The following RELN variants were observed in gnomAD, a reference collection of about 807,000 sequenced individuals.
The protein encoded by RELN is reelin.
A neutral mutation model predicts 427.6 loss-of-function variants in RELN; 108 were observed. That is an observed-to-expected ratio of 0.25 (90% CI 0.22 to 0.30). The LOEUF is 0.30. Among genes scored for constraint, RELN ranks in the 10% least tolerant of loss-of-function variants. RELN has a pLI of 1.00. For synonymous variants in RELN, 1,524 were observed against 1,513.4 expected (o/e 1.01, Z -0.16); for missense variants, 3,715 against 4,302.8 (o/e 0.86, Z 3.82).
At chr7:103,574,661 C>T (rs1830958411) in intron 29 of RELN, among the ~76,000 whole-genome samples, 1 of 152,078 alleles carries the variant, frequency 6.6e-6, no homozygotes. Flanking sequence ...TAGGGGCAGT[C>T]AGTCTCAAAT....
intron 11 of RELN, among the ~76,000 whole-genome samples, chr7:103,675,824 T>G (rs1833506880): frequency 6.6e-6 from 1 of 152,332 alleles, no homozygotes; most frequent in South Asian, 2.1e-4. Flanking sequence ...CTGGGAAAAC[T>G]GGCTAGCCAT....
rs1830833531 is a variant in RELN, at chr7:103,569,487, C to G, written c.4588+2697G>C. Among the ~76,000 whole-genome samples the G allele has an allele frequency of 6.6e-6, 1 of 152,226 alleles. No individual in the cohort carries two copies. The highest frequency in any genetic ancestry group is 1.5e-5 in the Non-Finnish European group (1 of 68,036). ...AGTTGTGGAATAATTTGTTATGTAG[C>G]ATACCACTCCAATCCTACTAAATCT... On this transcript the variant is annotated intron_variant, in intron 31 of 64. Coordinates refer to ENST00000428762, the MANE Select transcript of RELN (RefSeq NM_005045.4). The surrounding 1 kb of genome is among the most constrained non-coding windows in gnomAD (Gnocchi z 4.0).
intron 3 of RELN, among the ~76,000 whole-genome samples, chr7:103,798,205 T>C (rs916296507): frequency 1.2e-4 from 18 of 152,174 alleles, no homozygotes; most frequent in Non-Finnish European, 4.4e-5. Context: ...CCAGCTACAG[T>C]CTTCTTCTGA....
intron 2 of RELN, among the ~76,000 whole-genome samples, chr7:103,872,242 T>C (rs1245903542): frequency 1.9e-5 from 2 of 107,620 alleles, no homozygotes; most frequent in Non-Finnish European, 3.7e-5. Flanking sequence ...GTCCCCAGAG[T>C]GTGATATTCC....
chr7:103,672,632 T>A (rs1015836775), intron 11 of RELN, among the ~76,000 whole-genome samples: 1 of 152,146 alleles, frequency 6.6e-6, no homozygotes, highest in Non-Finnish European at 1.5e-5. Flanking sequence ...GCATATCCAA[T>A]TCTTTTAATT....
At chr7:103,652,974 T>TG (rs772866589) in intron 13 of RELN, among the ~76,000 whole-genome samples, 1 of 151,948 alleles carries the variant, frequency 6.6e-6, no homozygotes, top group Non-Finnish European at 1.5e-5. Flanking sequence ...GTGCACGAGG[T>TG]GGGGGTCTCT....
intron 1 of RELN, among the ~76,000 whole-genome samples, chr7:103,970,098 T>C (rs1188537244): frequency 6.6e-6 from 1 of 152,128 alleles, no homozygotes; most frequent in Non-Finnish European, 1.5e-5. Context: ...TGCCTTCTTC[T>C]TTCAGATCTC....
intron 28 of RELN, among the ~76,000 whole-genome samples, chr7:103,585,658 C>T (rs986370246): frequency 3.3e-5 from 5 of 152,052 alleles, no homozygotes; most frequent in African/African-American, 9.7e-5. Flanking sequence ...ACCAATCTTA[C>T]TAAAGAGATT....
chr7:103,506,257 G>A (rs536412675), intron 51 of RELN, among the ~76,000 whole-genome samples: 4 of 151,968 alleles, frequency 2.6e-5, no homozygotes, highest in South Asian at 4.2e-4. Flanking sequence ...ATACATAATC[G>A]TCAGATTCAC....
At chr7:103,741,648 G>C (rs1023596571) in intron 6 of RELN, among the ~76,000 whole-genome samples, 3 of 111,848 alleles carry the variant, frequency 2.7e-5, no homozygotes, top group African/African-American at 1.1e-4. Flanking sequence ...GAGAGGAAGA[G>C]ATGAAAGCAA....
chr7:103,489,275 T>C (rs1342533729), intron 60 of RELN, among the ~76,000 whole-genome samples: 2 of 151,116 alleles, frequency 1.3e-5, no homozygotes, highest in East Asian at 3.9e-4. Context: ...AGTTTTCAGC[T>C]ACATCTTAGG....
At position 103,550,981 on chromosome 7, in the gene RELN, C is replaced by T. The variant is rs362721; in HGVS notation, c.6302+86G>A. ...GAAGAAACGTCAGGTGGAAATTTCC[C>T]CATGATAAAGTGGCAAGTGAACGAT... is the stretch of plus-strand genomic sequence containing the variant. On this transcript the variant is annotated intron_variant, in intron 41 of 64. Transcript: ENST00000428762. 0.5 allele frequency: 548,575 copies of T among 1,103,342 alleles called. 143,377 individuals carry two copies. The highest frequency in any genetic ancestry group is 0.55 in the Non-Finnish European group (408,543 of 748,996). 68.3% of individuals were successfully genotyped at this position (1,103,342 alleles called of 1,614,324 possible). A position where few individuals can be genotyped will look rare whatever the true frequency, so the allele number is the denominator to read the frequency against.
rs34506983 is a variant in RELN, at chr7:103,551,938, GGT to G, written c.6073-644_6073-643del. 2.5e-4 allele frequency among the ~76,000 whole-genome samples: 36 copies of G among 144,636 alleles called. No homozygotes were observed. The East Asian group carries it at 3.8e-3, about 15-fold the overall frequency. 94.9% of individuals were successfully genotyped at this position (144,636 alleles called of 152,430 possible). ...TAGTTACCTTCTGTGTGTGTGTGTG[GGT>G]GTGTGTGTGTGTGTGTGTGGTAAGA... On this transcript the variant is annotated intron_variant, in intron 40 of 64. Coordinates refer to ENST00000428762, the MANE Select transcript of RELN (RefSeq NM_005045.4).
intron 41 of RELN, among the ~76,000 whole-genome samples, chr7:103,549,841 T>C (rs1345518064): frequency 6.6e-6 from 1 of 152,220 alleles, no homozygotes; most frequent in African/African-American, 2.4e-5. Flanking sequence ...TACAACCATT[T>C]CGAATAAAAA....
Position 103,636,084 on chromosome 7 carries a change from A to C in RELN, c.2303+151T>G, listed in dbSNP as rs1410124632. ...TCCTAATTTACTAAAAACTAGGGCA[A>C]ATTAACTCTCAATAAACTGTAGGCT... On this transcript the variant is annotated intron_variant, in intron 18 of 64. Coordinates refer to ENST00000428762, the MANE Select transcript of RELN (RefSeq NM_005045.4). 5 of 670,106 alleles carry C rather than the reference A, an allele frequency of 7.5e-6. No homozygotes were observed. The East Asian group carries it at 1.4e-4, about 18-fold the overall frequency. The allele number at this position is 670,106 out of a possible 1,614,324, so 41.5% of individuals were successfully genotyped here. A position where few individuals can be genotyped will look rare whatever the true frequency, so the allele number is the denominator to read the frequency against.
intron 20 of RELN, among the ~76,000 whole-genome samples, chr7:103,617,047 T>C (rs1233999098): frequency 6.6e-6 from 1 of 152,220 alleles, no homozygotes; most frequent in Non-Finnish European, 1.5e-5. Context: ...GTGCCACTGC[T>C]TACTACTTGT....
rs1831489885 is a variant in RELN, at chr7:103,594,370, G to A, written c.3662C>T (p.Ser1221Phe). ...QWAVDDIIIL[S>F]EKQKQIIPVI... ...TGGGATGATCTGCTTCTGCTTCTCG[G>A]ACAGAATGATGATGTCATCGACTGC... The change falls in exon 26 of 65, where the codon TCC becomes TTC. Residue 1221 changes from serine (S) to phenylalanine (F), a missense_variant. By Grantham distance (155) the Ser-to-Phe change is radical. This residue lies in a region of RELN where 2,208 missense variants were observed against 2,361.7 expected (regional missense o/e 0.93). Coordinates refer to ENST00000428762, the MANE Select transcript of RELN (RefSeq NM_005045.4). The A allele has an allele frequency of 2.5e-6, 4 of 1,613,852 alleles. No homozygotes were observed. The Admixed American group carries it at 5.0e-5, about 20-fold the overall frequency.
At chr7:103,551,946 T>C (rs1418139441) in intron 40 of RELN, among the ~76,000 whole-genome samples, 2 of 150,092 alleles carry the variant, frequency 1.3e-5, no homozygotes, top group Non-Finnish European at 3.0e-5. Context: ...TGGGTGTGTG[T>C]GTGTGTGTGT....
At chr7:103,957,811 AAC>A (rs1175937438) in intron 1 of RELN, among the ~76,000 whole-genome samples, 1 of 152,230 alleles carries the variant, frequency 6.6e-6, no homozygotes, top group Non-Finnish European at 1.5e-5. Flanking sequence ...GCAGAGAGGA[AAC>A]ACACTAAATC....
Sources: allele counts gnomAD v4.1 joint callset (sites outside exome capture counted in the v4.1 genomes callset), GRCh38; gene constraint gnomAD v4.1.1; regional missense constraint gnomAD v4.1.1; non-coding constraint Gnocchi (gnomAD v3.1); transcripts MANE v1.5; gene names NCBI Gene and HGNC (gene_info 2026-07-23, HGNC 2026-07-21).